Variants in ANK2 observed in about 807,000 individuals in gnomAD.
ANK2 encodes the protein ankyrin 2, also known as ankyrin-2.
Under a neutral mutation model 360.5 loss-of-function variants are expected in ANK2, and 83 were observed. That is an observed-to-expected ratio of 0.23 (90% CI 0.19 to 0.28). The LOEUF is 0.28. ANK2 is among the 10% of genes least tolerant of loss of function. The probability of loss-of-function intolerance (pLI) is 1.00; values close to 1 mark genes in which losing one functional copy is unlikely to be tolerated. For missense variants in ANK2, 4,201 were observed against 4,795.7 expected (o/e 0.88, Z 3.66); for synonymous variants, 1,740 against 1,759.5 (o/e 0.99, Z 0.28).
intron 1 of ANK2, among the ~76,000 whole-genome samples, chr4:113,120,911 A>G (rs2095312960): frequency 6.6e-6 from 1 of 152,198 alleles, no homozygotes; most frequent in Non-Finnish European, 1.5e-5. Context: ...AAATTTTCAA[A>G]TAAATCAATA....
chr4:113,175,651 T>G (rs1246878810), intron 2 of ANK2, among the ~76,000 whole-genome samples: 1 of 152,192 alleles, frequency 6.6e-6, no homozygotes, highest in Non-Finnish European at 1.5e-5. Flanking sequence ...GAGCGATAAA[T>G]AAAATAAAAA....
At chr4:112,924,703 T>A (rs2092273719) in intron 2 of ANK2, among the ~76,000 whole-genome samples, 1 of 152,124 alleles carries the variant, frequency 6.6e-6, no homozygotes, top group South Asian at 2.1e-4. Flanking sequence ...TCTAACATGC[T>A]CTCAACTATG....
chr4:113,372,343 C>CA (rs1413982866), intron 43 of ANK2, among the ~76,000 whole-genome samples: 1 of 152,006 alleles, frequency 6.6e-6, no homozygotes, highest in Non-Finnish European at 1.5e-5. Context: ...ACAACAACAA[C>CA]AAAAAACCAA....
chr4:112,707,963 A>G, the ANK2 span, among the ~76,000 whole-genome samples: 5 of 152,314 alleles, frequency 3.3e-5, no homozygotes, highest in Non-Finnish European at 7.4e-5. Flanking sequence ...ATGACCTTAC[A>G]GTAGCACTGT....
In ANK2 at chr4:113,357,408, T is replaced by C. The variant is rs777722099; in HGVS notation, c.8790T>C (p.Asn2930=). 4 of 1,614,048 alleles carry C rather than the reference T, an allele frequency of 2.5e-6. No individual in the cohort carries two copies. The highest frequency in any genetic ancestry group is 2.5e-6 in the Non-Finnish European group (3 of 1,179,964). ...YDPQITSPYE[N]VPSQSFFSSE... ...CACAAATCACTAGCCCTTATGAAAA[T>C]GTCCCTTCCCAATCTTTTTTCTCTA... The change falls in exon 38 of 46, where the codon AAT becomes AAC. Residue 2930 remains asparagine (N), a synonymous_variant. Transcript: ENST00000357077.
the ANK2 span, among the ~76,000 whole-genome samples, chr4:112,752,542 A>ATT: frequency 6.8e-6 from 1 of 147,790 alleles, no homozygotes; most frequent in African/African-American, 2.5e-5. Context: ...GGCCTGGCTA[A>ATT]TTTTTTTTTT....
At chr4:112,863,774 G>T (rs1323723061) in intron 1 of ANK2, among the ~76,000 whole-genome samples, 2 of 151,950 alleles carry the variant, frequency 1.3e-5, no homozygotes, top group African/African-American at 2.4e-5. Flanking sequence ...CTCCCGCCTC[G>T]GCCTCCCAAA....
At position 112,897,863 on chromosome 4, in the gene ANK2, G is replaced by A. The variant is rs2082191982; in HGVS notation, c.-39-6592G>A. On this transcript the variant is annotated intron_variant, in intron 1 of 30. Transcript: ENST00000503271. ...CAAGAATAATAAGAACTAGTTTCCT[G>A]TATATTTCCTTTTTGAGGCTGGGAG... Among the ~76,000 whole-genome samples the A allele has an allele frequency of 2.0e-5, 3 of 152,134 alleles. No individual in the cohort carries two copies. In the South Asian group the frequency reaches 6.2e-4, roughly 31 times the overall value.
chr4:113,293,425 T>G lies in ANK2; in HGVS notation c.2377-15T>G. The stretch of plus-strand genomic sequence containing the variant: ...TCTCTTATTTCTCACTCTCTCTCTT[T>G]CACTCTCTCTTCAGAATGGCAACAC... On this transcript the variant is annotated splice_polypyrimidine_tract_variant and intron_variant, in intron 21 of 45. Transcript: ENST00000357077. 6.2e-7 allele frequency: 1 copy of G among 1,608,358 alleles called. No homozygotes were observed. The highest frequency in any genetic ancestry group is 8.5e-7 in the Non-Finnish European group (1 of 1,175,958).
chr4:113,182,418 G>A (rs1476522019), intron 2 of ANK2, among the ~76,000 whole-genome samples: 1 of 152,168 alleles, frequency 6.6e-6, no homozygotes, highest in Non-Finnish European at 1.5e-5. Context: ...TGTATAGATA[G>A]TATTCAAAAC....
chr4:113,230,917 A>G (rs990736803), intron 4 of ANK2, among the ~76,000 whole-genome samples: 1 of 152,006 alleles, frequency 6.6e-6, no homozygotes, highest in African/African-American at 2.4e-5. Flanking sequence ...ATTTTAGTAA[A>G]TAACTGTGTA....
At chr4:112,851,969 C>T (rs898899689) in intron 1 of ANK2, among the ~76,000 whole-genome samples, 1 of 152,182 alleles carries the variant, frequency 6.6e-6, no homozygotes, top group Non-Finnish European at 1.5e-5. Context: ...CCTTCTTCAA[C>T]AGTGCTGTCA....
intron 6 of ANK2, 55 bp from the exon 7 acceptor site, chr4:113,237,544 A>G (rs2099392994): frequency 6.5e-7 from 1 of 1,545,332 alleles, no homozygotes; most frequent in South Asian, 1.1e-5. Flanking sequence ...GACTGTTTCC[A>G]TAATTTTGCA....
At chr4:113,207,817 C>T (rs1325067154) in intron 4 of ANK2, among the ~76,000 whole-genome samples, 1 of 152,070 alleles carries the variant, frequency 6.6e-6, no homozygotes, top group African/African-American at 2.4e-5. Context: ...TGTGTGCCCT[C>T]GAACACTTGC....
intron 1 of ANK2, among the ~76,000 whole-genome samples, chr4:113,115,564 C>A (rs1377189243): frequency 6.6e-6 from 1 of 152,088 alleles, no homozygotes; most frequent in Non-Finnish European, 1.5e-5. Context: ...ATTTTGCTTG[C>A]TTATGGGATA....
chr4:113,318,664 A>G, intron 26 of ANK2, 44 bp downstream of exon 26: 3 of 1,503,358 alleles, frequency 2.0e-6, no homozygotes, highest in Non-Finnish European at 2.7e-6. Flanking sequence ...AGGTAAAAAG[A>G]GATGGGAGTG....
chr4:112,878,156 A>ATCTATCTG (rs1381317595), intron 1 of ANK2, among the ~76,000 whole-genome samples: 1 of 31,756 alleles, frequency 3.1e-5, no homozygotes, highest in Non-Finnish European at 5.0e-5. Flanking sequence ...CTTTAGACTC[A>ATCTATCTG]TCTATCTATC....
chr4:112,798,603 A>G, the ANK2 span: 43,188 of 152,226 alleles, frequency 0.28, 6,345 homozygotes, highest in East Asian at 0.35. Context: ...TGGATTTTCT[A>G]TGAGCAACAT....
chr4:113,367,852 G>A lies in ANK2; in HGVS notation c.11318+1G>A. 6.2e-7 allele frequency: 1 copy of A among 1,614,106 alleles called. No individual in the cohort carries two copies. The highest frequency in any genetic ancestry group is 8.5e-7 in the Non-Finnish European group (1 of 1,179,976). On this transcript the variant is annotated splice_donor_variant, in intron 42 of 45. Coordinates refer to ENST00000357077, the MANE Select transcript of ANK2 (RefSeq NM_001148.6). LOFTEE classifies it high-confidence loss of function. ...CTCTGGAATATCAGCAGGAATATTT[G>A]TGAGTTTCCAAAGAAAGCCTGTCAA...
Sources: gnomAD v4.1 joint callset for allele counts (sites outside exome capture counted in the v4.1 genomes callset) on GRCh38, gnomAD v4.1.1 for gene constraint, MANE v1.5 for transcripts, NCBI Gene and HGNC (gene_info 2026-07-23, HGNC 2026-07-21) for gene names.